The following BTBD9 variants were observed in gnomAD, a reference collection of about 807,000 sequenced individuals.
The protein encoded by BTBD9 is BTB domain containing 9.
In BTBD9, 49 loss-of-function variants were observed where a neutral mutation model predicts 64.3. That is an observed-to-expected ratio of 0.76 (90% CI 0.61 to 0.97). The LOEUF is 0.97. Ranked by LOEUF, BTBD9 falls within the 50% of genes least tolerant of loss-of-function variation. The probability of loss-of-function intolerance (pLI) is 0.00; values close to 1 mark genes in which losing one functional copy is unlikely to be tolerated. For synonymous variants in BTBD9, 260 were observed against 274.7 expected, an observed-to-expected ratio of 0.95 and a Z score of 0.53; for missense variants, 598 against 762.1, an observed-to-expected ratio of 0.78 and a Z score of 2.53.
At chr6:38,211,677 G>C (rs1762840163) in intron 9 of BTBD9, among the ~76,000 whole-genome samples, 1 of 152,034 alleles carries the variant, frequency 6.6e-6, no homozygotes, top group South Asian at 2.1e-4. Flanking sequence ...CCAGGAGGTG[G>C]AGGTTGCAGT....
At chr6:38,308,090 C>G (rs774489865) in intron 7 of BTBD9, among the ~76,000 whole-genome samples, 4 of 152,152 alleles carry the variant, frequency 2.6e-5, no homozygotes, top group Non-Finnish European at 5.9e-5. Flanking sequence ...GTTTGACAAT[C>G]CTGTAGTTTA....
At chr6:38,587,302 T>C (rs1436392861) in intron 4 of BTBD9, 9 of 403,616 alleles carry the variant, frequency 2.2e-5, no homozygotes, top group Non-Finnish European at 3.9e-5. Flanking sequence ...GTTGTATAGA[T>C]AGAACATCCT....
intron 6 of BTBD9, among the ~76,000 whole-genome samples, chr6:38,478,496 C>T (rs1388961259): frequency 6.6e-6 from 1 of 152,130 alleles, no homozygotes. Context: ...TGTCAAATCT[C>T]ATCAGTCATC....
At chr6:38,281,811 C>T (rs1761522328) in intron 8 of BTBD9, among the ~76,000 whole-genome samples, 1 of 152,118 alleles carries the variant, frequency 6.6e-6, no homozygotes, top group Non-Finnish European at 1.5e-5. Flanking sequence ...ACCCTATTTA[C>T]TATTATTTGT....
chr6:38,253,790 C>G (rs1278326927), intron 9 of BTBD9, among the ~76,000 whole-genome samples: 1 of 152,076 alleles, frequency 6.6e-6, no homozygotes, highest in Non-Finnish European at 1.5e-5. Context: ...AAATTAACCA[C>G]TTTGTTTCCC....
rs1453089101 is a variant in BTBD9 at position 38,172,708 on chromosome 6, A to C, written c.*2277T>G. The C allele has an allele frequency of 6.6e-6, 1 of 152,394 alleles. No homozygotes were observed. The highest frequency in any genetic ancestry group is 2.4e-5 in the African/African-American group (1 of 41,466). The allele number at this position is 152,394 out of a possible 1,614,324, so 9.4% of individuals were successfully genotyped here. A position where few individuals can be genotyped will look rare whatever the true frequency, so the allele number is the denominator to read the frequency against. On this transcript the variant is annotated 3_prime_UTR_variant, in exon 11 of 11. Coordinates refer to ENST00000481247, the MANE Select transcript of BTBD9 (RefSeq NM_001099272.2). ...CCCATACTTCTCTTTATCTGATGAT[A>C]AGGGGCATCTTTAAAGTGCTAGAAG...
chr6:38,371,940 A>G (rs1258532711), intron 6 of BTBD9, among the ~76,000 whole-genome samples: 1 of 152,226 alleles, frequency 6.6e-6, no homozygotes, highest in Non-Finnish European at 1.5e-5. Context: ...AGATTTGTAC[A>G]TACTAGTTTT....
chr6:38,464,486 T>TTTTCTTTTC (rs1026034572), intron 6 of BTBD9, among the ~76,000 whole-genome samples: 33 of 56,278 alleles, frequency 5.9e-4, no homozygotes, highest in African/African-American at 2.2e-3. Context: ...TTGTCTATAA[T>TTTTCTTTTC]TTTCTTTTCT....
chr6:38,358,153 A>G (rs754881716), intron 6 of BTBD9, among the ~76,000 whole-genome samples: 1 of 152,020 alleles, frequency 6.6e-6, no homozygotes, highest in Non-Finnish European at 1.5e-5. Flanking sequence ...TATCTTGATA[A>G]CTGTGGAAAA....
chr6:38,617,464 G>A (rs1214834004), intron 1 of BTBD9, among the ~76,000 whole-genome samples: 2 of 152,058 alleles, frequency 1.3e-5, no homozygotes, highest in African/African-American at 4.8e-5. Flanking sequence ...TCTCCTATAA[G>A]GATAATTTGT....
intron 6 of BTBD9, chr6:38,403,010 C>T (rs1767004434): frequency 2.4e-5 from 9 of 370,672 alleles, no homozygotes; most frequent in South Asian, 1.1e-4. Flanking sequence ...GACACAGAGG[C>T]TGCAGTGAGC....
chr6:38,580,426 T>G lies in BTBD9; in HGVS notation c.826A>C (p.Asn276His), dbSNP rs748173561. ...NYRGMLIPEE[N>H]IATMKYGAQV... Reference sequence around the variant, plus strand: ...GCTCCATACTTCATAGTTGCAATGTTTTCTTCTGGTACTACAGTTAAAAAT... The same window carrying G: ...GCTCCATACTTCATAGTTGCAATGTGTTCTTCTGGTACTACAGTTAAAAAT... Residue 276 changes from asparagine to histidine, a missense_variant, in exon 5 of 11, where the codon AAC becomes CAC. Asn to His is a moderately conservative substitution (Grantham distance 68). Coordinates refer to ENST00000481247, the MANE Select transcript of BTBD9 (RefSeq NM_001099272.2). 1 of 1,613,702 alleles carries G rather than the reference T, an allele frequency of 6.2e-7. No individual in the cohort carries two copies. Among genetic ancestry groups the G allele is most frequent in the Non-Finnish European group, 8.5e-7 (1 of 1,179,572 alleles).
chr6:38,417,787 A>AG, intron 6 of BTBD9, among the ~76,000 whole-genome samples: 1 of 100,828 alleles, frequency 9.9e-6, no homozygotes, highest in Non-Finnish European at 2.0e-5. Flanking sequence ...AGAGAGAGAG[A>AG]GAGAGAGAGA....
At chr6:38,187,945 G>A (rs1364726059) in intron 10 of BTBD9, among the ~76,000 whole-genome samples, 5 of 152,218 alleles carry the variant, frequency 3.3e-5, no homozygotes, top group Non-Finnish European at 7.3e-5. Context: ...AGACTGCCGA[G>A]GCCACTGTCA....
chr6:38,596,048 T>C (rs1777019530), intron 2 of BTBD9: 2 of 985,314 alleles, frequency 2.0e-6, no homozygotes, highest in African/African-American at 1.7e-5. Context: ...TGAAGTTTCC[T>C]CCTATACAAT....
At chr6:38,542,627 A>T (rs1477384762) in intron 6 of BTBD9, among the ~76,000 whole-genome samples, 2 of 152,156 alleles carry the variant, frequency 1.3e-5, no homozygotes, top group African/African-American at 2.4e-5. Flanking sequence ...ATATTAATTG[A>T]TGATATTTAT....
chr6:38,294,841 AAAAC>A (rs948515764), intron 7 of BTBD9, among the ~76,000 whole-genome samples: 4 of 152,110 alleles, frequency 2.6e-5, no homozygotes, highest in African/African-American at 9.6e-5. Flanking sequence ...AAAAAAAAAA[AAAAC>A]CTTTATACTC....
chr6:38,418,700 C>T (rs778009277), intron 6 of BTBD9, among the ~76,000 whole-genome samples: 12 of 152,116 alleles, frequency 7.9e-5, no homozygotes, highest in East Asian at 3.8e-4. Flanking sequence ...ACTGTGTATC[C>T]GTTTGTGTAC....
intron 6 of BTBD9, among the ~76,000 whole-genome samples, chr6:38,366,060 T>A (rs1468160993): frequency 6.6e-6 from 1 of 152,194 alleles, no homozygotes; most frequent in African/African-American, 2.4e-5. Context: ...CCTAAAGGTA[T>A]CTAGTTCTCC....
Sources: gnomAD v4.1 joint callset for allele counts (sites outside exome capture counted in the v4.1 genomes callset) on GRCh38, gnomAD v4.1.1 for gene constraint, MANE v1.5 for transcripts, NCBI Gene and HGNC (gene_info 2026-07-23, HGNC 2026-07-21) for gene names.